Variants in SPINK13 observed in about 807,000 individuals in gnomAD.
SPINK13 encodes the protein serine peptidase inhibitor Kazal type 13.
A neutral mutation model predicts 11.0 loss-of-function variants in SPINK13; 11 were observed. That is an observed-to-expected ratio of 1.00 (90% CI 0.63 to 1.65). The LOEUF (loss-of-function observed/expected upper bound fraction) is 1.65. Among genes scored for constraint, SPINK13 ranks in the 40% most tolerant of loss-of-function variants. The pLI is 0.00. For synonymous variants in SPINK13, 31 were observed against 35.6 expected (o/e 0.87, Z 0.46); for missense variants, 113 against 117.7 (o/e 0.96, Z 0.19).
intron 4 of SPINK13, among the ~76,000 whole-genome samples, chr5:148,283,671 A>G (rs1390966148): frequency 6.6e-6 from 1 of 152,230 alleles, no homozygotes; most frequent in East Asian, 1.9e-4. Context: ...GAGATACCAG[A>G]CTATATAGAA....
In SPINK13 at chr5:148,273,977, A is replaced by G. The variant is rs148485777; in HGVS notation, c.71-370A>G. Among the ~76,000 whole-genome samples, 1,040 of 152,350 alleles carry G rather than the reference A, an allele frequency of 6.8e-3. 14 individuals are homozygous for G. Among genetic ancestry groups the G allele is most frequent in the African/African-American group, 0.02 (814 of 41,582 alleles). On this transcript the variant is annotated intron_variant, in intron 2 of 4. Coordinates refer to ENST00000398450, the MANE Select transcript of SPINK13 (RefSeq NM_001040129.3). ...GAACTGGCCTGATACATTACTTACT[A>G]TATCATATTTACTTTTTTAAATTTT...
chr5:148,285,176 A>C (rs1211828604), intron 4 of SPINK13, among the ~76,000 whole-genome samples: 1 of 152,144 alleles, frequency 6.6e-6, no homozygotes, highest in Non-Finnish European at 1.5e-5. Flanking sequence ...TGTTCCAAAC[A>C]ACCATAGTTC....
At chr5:148,274,741 T>A (rs1310641944) in intron 3 of SPINK13, among the ~76,000 whole-genome samples, 1 of 152,146 alleles carries the variant, frequency 6.6e-6, no homozygotes, top group African/African-American at 2.4e-5. Context: ...TGAAACCCTG[T>A]CTATAAATAA....
At chr5:148,283,433 T>TTATC (rs949946443) in intron 4 of SPINK13, among the ~76,000 whole-genome samples, 7 of 152,154 alleles carry the variant, frequency 4.6e-5, no homozygotes, top group African/African-American at 1.7e-4. Context: ...GGCTCGTAGG[T>TTATC]TATCTCCCAG....
rs763422618 is a variant in SPINK13 at position 148,282,153 on chromosome 5, G to GC, written c.162dup (p.Asn55GlnfsTer17). On this transcript the variant is annotated frameshift_variant, in exon 4 of 5. Coordinates refer to ENST00000398450, the MANE Select transcript of SPINK13 (RefSeq NM_001040129.3). LOFTEE classifies it high-confidence loss of function. ...CTGGACCCTGATTACAATGCAGACT[G>GC]CCCCAATGTGACAGCACCTGTTTGT... The GC allele has an allele frequency of 6.2e-6, 10 of 1,614,068 alleles. No individual in the cohort carries two copies. In the African/African-American group the frequency reaches 1.3e-4, roughly 22 times the overall value.
At chr5:148,270,561 T>C (rs778457316) in intron 2 of SPINK13, among the ~76,000 whole-genome samples, 2 of 152,222 alleles carry the variant, frequency 1.3e-5, no homozygotes, top group African/African-American at 2.4e-5. Context: ...TATGTGTCTT[T>C]AGAGTTCAGT....
intron 2 of SPINK13, among the ~76,000 whole-genome samples, chr5:148,272,257 T>C (rs534548779): frequency 6.6e-6 from 1 of 152,124 alleles, no homozygotes. Flanking sequence ...AAGAGTAGAG[T>C]TGCTATGCTA....
chr5:148,274,337 T>C lies in SPINK13; in HGVS notation c.71-10T>C. ...TCCTTTAACTTACTGTGTTTATTCT[T>C]TATTAGCAGGAATTTTCAATAAACG... On this transcript the variant is annotated splice_polypyrimidine_tract_variant and intron_variant, in intron 2 of 4. Transcript: ENST00000398450. 1 of 1,609,488 alleles carries C rather than the reference T, an allele frequency of 6.2e-7. No homozygotes were observed. The highest frequency in any genetic ancestry group is 2.2e-5 in the East Asian group (1 of 44,820).
rs73795072 is a variant in SPINK13, at chr5:148,273,696, T to C, written c.71-651T>C. On this transcript the variant is annotated intron_variant, in intron 2 of 4. Transcript: ENST00000398450. The stretch of plus-strand genomic sequence containing the variant: ...CGTGCAGAATTTTTCTTTTACCTTC[T>C]GAAAATTCTAACTTTTGGAAAGTCA... Among the ~76,000 whole-genome samples the C allele has an allele frequency of 3.7e-3, 558 of 152,368 alleles. 3 individuals carry two copies. Among genetic ancestry groups the C allele is most frequent in the African/African-American group, 0.011 (454 of 41,592 alleles).
At chr5:148,271,902 C>A (rs1316879895) in intron 2 of SPINK13, among the ~76,000 whole-genome samples, 1 of 152,162 alleles carries the variant, frequency 6.6e-6, no homozygotes, top group Non-Finnish European at 1.5e-5. Context: ...GGATTACAGG[C>A]GTGAGCCACC....
At position 148,275,405 on chromosome 5, in the gene SPINK13, C is replaced by G. The variant is rs144879527; in HGVS notation, c.108+1021C>G. Reference sequence around the variant, plus strand: ...TCATCGATGGGCATTTGGGTTGGTTCCAAGTCTTTGCTATTGTGAATAGTG... The same window carrying G: ...TCATCGATGGGCATTTGGGTTGGTTGCAAGTCTTTGCTATTGTGAATAGTG... On this transcript the variant is annotated intron_variant, in intron 3 of 4. Transcript: ENST00000398450. Among the ~76,000 whole-genome samples the G allele has an allele frequency of 7.1e-3, 1,084 of 152,162 alleles. 60 individuals are homozygous for G. The East Asian group carries it at 0.14, about 20-fold the overall frequency.
intron 2 of SPINK13, among the ~76,000 whole-genome samples, chr5:148,271,569 TC>T (rs1172406299): frequency 6.6e-4 from 100 of 152,280 alleles, no homozygotes; most frequent in African/African-American, 2.3e-3. Flanking sequence ...TTTATACACA[TC>T]ATGGAAAATA....
At chr5:148,280,326 G>C (rs1038244799) in intron 3 of SPINK13, among the ~76,000 whole-genome samples, 1 of 152,042 alleles carries the variant, frequency 6.6e-6, no homozygotes, top group Non-Finnish European at 1.5e-5. Flanking sequence ...TTGTTTCCTT[G>C]CTGCCAAGGA....
At chr5:148,284,845 G>T (rs1340441359) in intron 4 of SPINK13, among the ~76,000 whole-genome samples, 1 of 152,120 alleles carries the variant, frequency 6.6e-6, no homozygotes, top group Non-Finnish European at 1.5e-5. Flanking sequence ...TGTCCTTAAT[G>T]AATCCCTCAA....
intron 4 of SPINK13, among the ~76,000 whole-genome samples, chr5:148,282,804 A>G (rs1258587956): frequency 3.3e-5 from 5 of 152,224 alleles, no homozygotes; most frequent in Admixed American, 2.0e-4. Flanking sequence ...TAAAGAATTA[A>G]TAATATTCCT....
chr5:148,282,300 T>C, intron 4 of SPINK13, 69 bp downstream of exon 4: 1 of 1,586,224 alleles, frequency 6.3e-7, no homozygotes, highest in Non-Finnish European at 8.6e-7. Context: ...AGAAACATAG[T>C]CAAGGAATTG....
chr5:148,269,865 C>G (rs1263206193), intron 1 of SPINK13, among the ~76,000 whole-genome samples, 175 bp from the exon 2 acceptor site: 1 of 151,832 alleles, frequency 6.6e-6, no homozygotes, highest in African/African-American at 2.4e-5. Context: ...TTATGTTTTT[C>G]ATCTTCCTCT....
At chr5:148,269,988 T>G in intron 1 of SPINK13, 52 bp from the exon 2 acceptor site, 1 of 1,342,808 alleles carries the variant, frequency 7.4e-7, no homozygotes, top group Non-Finnish European at 1.1e-6. Context: ...TCTCTCACAT[T>G]GGAAAAGCTA....
Position 148,278,652 on chromosome 5 carries a change from C to T in SPINK13, c.109-3452C>T, listed in dbSNP as rs115846842. On this transcript the variant is annotated intron_variant, in intron 3 of 4. Coordinates refer to ENST00000398450, the MANE Select transcript of SPINK13 (RefSeq NM_001040129.3). Reference sequence around the variant, plus strand: ...CTGAGAGACTGTTTGTTATGATTCCCGTTCTTTTGCATTTGCTGAGGAGTG... The same window carrying T: ...CTGAGAGACTGTTTGTTATGATTCCTGTTCTTTTGCATTTGCTGAGGAGTG... Among the ~76,000 whole-genome samples, 947 of 152,124 alleles carry T rather than the reference C, an allele frequency of 6.2e-3. 11 individuals carry two copies. Among genetic ancestry groups the T allele is most frequent in the African/African-American group, 0.022 (908 of 41,502 alleles).
Sources: allele counts gnomAD v4.1 joint callset (sites outside exome capture counted in the v4.1 genomes callset), GRCh38; gene constraint gnomAD v4.1.1; transcripts MANE v1.5; gene names NCBI Gene and HGNC (gene_info 2026-07-23, HGNC 2026-07-21).